The following TP63 variants were observed in gnomAD, a reference collection of about 807,000 sequenced individuals.
TP63 encodes tumor protein p63.
A neutral mutation model predicts 82.8 loss-of-function variants in TP63; 17 were observed. The observed-to-expected ratio is 0.21, with a 90% CI of 0.14 to 0.31. The LOEUF is 0.31. Ranked by LOEUF, TP63 falls within the 10% of genes least tolerant of loss-of-function variation. The pLI is 1.00. For missense variants in TP63, 648 were observed against 895.3 expected (o/e 0.72, Z 3.52); for synonymous variants, 330 against 321.7 (o/e 1.03, Z -0.28).
At chr3:189,646,876 G>A (rs1175524233) in intron 1 of TP63, among the ~76,000 whole-genome samples, 2 of 147,584 alleles carry the variant, frequency 1.4e-5, no homozygotes, top group Admixed American at 6.7e-5. Flanking sequence ...GAGAACATGT[G>A]GAGTGCAAAC....
intron 3 of TP63, among the ~76,000 whole-genome samples, chr3:189,767,845 CT>C (rs976895251): frequency 1.8e-4 from 27 of 152,202 alleles, no homozygotes; most frequent in African/African-American, 6.5e-4. Flanking sequence ...GTTTTGGACC[CT>C]GGATTGTAGT....
chr3:189,624,877 A>G, the TP63 span, among the ~76,000 whole-genome samples: 4 of 152,028 alleles, frequency 2.6e-5, no homozygotes, highest in Non-Finnish European at 5.9e-5. Flanking sequence ...CTTGGAAGCC[A>G]TTCTACACCA....
chr3:189,874,881 C>A (rs1718853395), intron 10 of TP63, among the ~76,000 whole-genome samples: 1 of 152,018 alleles, frequency 6.6e-6, no homozygotes, highest in South Asian at 2.1e-4. Context: ...CAAATTTCCT[C>A]CTGTTCACTC....
intron 10 of TP63, among the ~76,000 whole-genome samples, chr3:189,881,869 A>G (rs1464776004): frequency 6.6e-6 from 1 of 152,204 alleles, no homozygotes; most frequent in African/African-American, 2.4e-5. Flanking sequence ...ATCAAATCCA[A>G]ATGTTTTAAA....
rs1664021677 is a variant in TP63 at position 189,895,872 on chromosome 3, T to C, written c.*1370T>C. The C allele has an allele frequency of 4.4e-6, 1 of 225,732 alleles. No homozygotes were observed. Among genetic ancestry groups the C allele is most frequent in the African/African-American group, 2.2e-5 (1 of 44,934 alleles). The allele number at this position is 225,732 out of a possible 1,614,324, so 14.0% of individuals were successfully genotyped here. ...AATTGCATCACTGTATCATTTTCTT[T>C]TTTAACCGGTAAGAGTTTCAGTTTG... On this transcript the variant is annotated 3_prime_UTR_variant, in exon 14 of 14. Coordinates refer to ENST00000264731, the MANE Select transcript of TP63 (RefSeq NM_003722.5).
intron 4 of TP63, among the ~76,000 whole-genome samples, chr3:189,859,826 A>T (rs1215258057): frequency 6.6e-6 from 1 of 152,242 alleles, no homozygotes; most frequent in Admixed American, 6.5e-5. Context: ...ATACAATGGA[A>T]TGCTGATACG....
intron 1 of TP63, among the ~76,000 whole-genome samples, chr3:189,678,139 T>C (rs1036601255): frequency 6.6e-6 from 1 of 152,132 alleles, no homozygotes; most frequent in Non-Finnish European, 1.5e-5. Flanking sequence ...TCTATTTGCT[T>C]TTAAGGTCTT....
chr3:189,606,710 G>T, the TP63 span, among the ~76,000 whole-genome samples: 1 of 151,662 alleles, frequency 6.6e-6, no homozygotes. Flanking sequence ...TTGTCATGTT[G>T]CCCAGGCTGG....
chr3:189,738,538 G>A, intron 2 of TP63, 104 bp from the exon 3 acceptor site: 1 of 1,549,280 alleles, frequency 6.5e-7, no homozygotes, highest in Non-Finnish European at 8.9e-7. Context: ...AAACCAATGA[G>A]CCTTGCTGAC....
intron 3 of TP63, among the ~76,000 whole-genome samples, chr3:189,759,974 C>T (rs1336059277): frequency 6.6e-6 from 1 of 152,212 alleles, no homozygotes; most frequent in Non-Finnish European, 1.5e-5. Flanking sequence ...TGTGGAGAAA[C>T]TCCTGTTTTT....
intron 1 of TP63, among the ~76,000 whole-genome samples, chr3:189,681,048 T>A (rs1410473965): frequency 6.6e-6 from 1 of 152,220 alleles, no homozygotes; most frequent in Non-Finnish European, 1.5e-5. Flanking sequence ...CATGAGGCAC[T>A]GCTTAGGTGT....
intron 4 of TP63, among the ~76,000 whole-genome samples, chr3:189,857,673 C>T (rs924949463): frequency 1.3e-5 from 2 of 152,056 alleles, no homozygotes; most frequent in Non-Finnish European, 2.9e-5. Flanking sequence ...TACCCCAAAT[C>T]GCCAAAATAA....
Position 189,838,143 on chromosome 3 carries a change from C to T in TP63, c.580-26089C>T, listed in dbSNP as rs1713418626. ...CTTGTTTTCCACAGTTTCCTGAGCCCCCCTCCCTCCTTTTCTCTTTCTTCC... is the reference window on the plus strand; with the variant it reads ...CTTGTTTTCCACAGTTTCCTGAGCCTCCCTCCCTCCTTTTCTCTTTCTTCC... On this transcript the variant is annotated intron_variant, in intron 4 of 13. Coordinates refer to ENST00000264731, the MANE Select transcript of TP63 (RefSeq NM_003722.5). 2.0e-5 allele frequency among the ~76,000 whole-genome samples: 3 copies of T among 151,650 alleles called. No individual in the cohort carries two copies. In the South Asian group the frequency reaches 6.3e-4, roughly 32 times the overall value.
chr3:189,780,816 C>T (rs1724173804), intron 3 of TP63, among the ~76,000 whole-genome samples: 1 of 152,186 alleles, frequency 6.6e-6, no homozygotes, highest in Non-Finnish European at 1.5e-5. Flanking sequence ...ATTACTTCCA[C>T]CTCTCTGCTG....
chr3:189,730,462 C>T (rs1720082958), intron 1 of TP63, among the ~76,000 whole-genome samples: 2 of 152,146 alleles, frequency 1.3e-5, no homozygotes, highest in Admixed American at 6.5e-5. Flanking sequence ...ATGAAAACTT[C>T]ATATTGCCCA....
the TP63 span, among the ~76,000 whole-genome samples, chr3:189,609,388 C>CT: frequency 1.3e-5 from 2 of 151,876 alleles, no homozygotes; most frequent in Admixed American, 6.6e-5. Flanking sequence ...CACCCATTGA[C>CT]TTTTTTTTAA....
chr3:189,659,216 C>A (rs1192801362), intron 1 of TP63, among the ~76,000 whole-genome samples: 1 of 151,966 alleles, frequency 6.6e-6, no homozygotes, highest in Non-Finnish European at 1.5e-5. Flanking sequence ...TCTCTCATTC[C>A]CCACTCTAGT....
At chr3:189,630,059 G>A (rs1330069529), upstream of TP63, among the ~76,000 whole-genome samples, 2 of 152,116 alleles carry the variant, frequency 1.3e-5, no homozygotes, top group African/African-American at 4.8e-5. Context: ...AGAATGTCAA[G>A]TTTTAAATAG....
intron 7 of TP63, 133 bp from the exon 8 acceptor site, chr3:189,868,447 T>C: frequency 7.3e-7 from 1 of 1,367,330 alleles, no homozygotes; most frequent in Non-Finnish European, 1.0e-6. Context: ...TTGGGTCCAT[T>C]CTCAAAGCCG....
Sources: gnomAD v4.1 joint callset for allele counts (sites outside exome capture counted in the v4.1 genomes callset) on GRCh38, gnomAD v4.1.1 for gene constraint, MANE v1.5 for transcripts, NCBI Gene and HGNC (gene_info 2026-07-23, HGNC 2026-07-21) for gene names.